The following EBF1 variants were observed in gnomAD, a reference collection of about 807,000 sequenced individuals.
EBF1 encodes the protein transcription factor COE1.
Under a neutral mutation model 68.4 loss-of-function variants are expected in EBF1, and 10 were observed. The observed-to-expected ratio is 0.15, with a 90% CI of 0.09 to 0.25. The LOEUF is 0.25. EBF1 is among the 10% of genes least tolerant of loss of function. EBF1 has a pLI of 1.00. For synonymous variants in EBF1, 298 were observed against 299.8 expected, an observed-to-expected ratio of 0.99 and a Z score of 0.06; for missense variants, 509 against 794.4, an observed-to-expected ratio of 0.64 and a Z score of 4.32.
At chr5:158,846,831 T>C (rs1332238499) in intron 6 of EBF1, among the ~76,000 whole-genome samples, 1 of 152,204 alleles carries the variant, frequency 6.6e-6, no homozygotes, top group Admixed American at 6.5e-5. Context: ...CCTTTTCTGA[T>C]ATTAACATGC....
chr5:159,044,964 G>A (rs1453938659), intron 6 of EBF1, among the ~76,000 whole-genome samples: 1 of 151,896 alleles, frequency 6.6e-6, no homozygotes, highest in Non-Finnish European at 1.5e-5. Flanking sequence ...CAAAAGAAGG[G>A]GAAAATATTA....
intron 6 of EBF1, among the ~76,000 whole-genome samples, chr5:159,028,479 G>A (rs543975069): frequency 6.6e-6 from 1 of 152,256 alleles, no homozygotes; most frequent in South Asian, 2.1e-4. Flanking sequence ...AGAAAGTATT[G>A]GGCTGGAATG....
chr5:158,926,485 G>A (rs1809715205), intron 6 of EBF1, among the ~76,000 whole-genome samples: 1 of 151,984 alleles, frequency 6.6e-6, no homozygotes, highest in Admixed American at 6.6e-5. Context: ...CAGCACTTTG[G>A]GAGGCCAAAG....
At chr5:158,778,085 T>C (rs1561899631) in intron 9 of EBF1, among the ~76,000 whole-genome samples, 1 of 151,972 alleles carries the variant, frequency 6.6e-6, no homozygotes, top group Non-Finnish European at 1.5e-5. Context: ...CTCCCTGGAA[T>C]AGCTTATGGA....
At chr5:158,875,041 G>GCA (rs1229419684) in intron 6 of EBF1, among the ~76,000 whole-genome samples, 125 of 102,414 alleles carry the variant, frequency 1.2e-3, no homozygotes, top group African/African-American at 2.2e-3. Context: ...ACACACACAA[G>GCA]CACACACACA....
intron 6 of EBF1, among the ~76,000 whole-genome samples, chr5:159,071,215 A>C (rs1777737606): frequency 6.6e-6 from 1 of 152,236 alleles, no homozygotes; most frequent in Admixed American, 6.5e-5. Flanking sequence ...ATGAAAAGAT[A>C]GTTCATCAGA....
chr5:158,705,204 G>C (rs1017479695), intron 15 of EBF1, among the ~76,000 whole-genome samples: 4 of 152,034 alleles, frequency 2.6e-5, no homozygotes, highest in African/African-American at 9.7e-5. Context: ...TGGTCTCAAA[G>C]ACCTGACCTC....
chr5:159,094,165 C>CAAAAAAAAAAA (rs869228922), intron 4 of EBF1, among the ~76,000 whole-genome samples: 10 of 21,880 alleles, frequency 4.6e-4, no homozygotes, highest in African/African-American at 8.3e-4. Context: ...CCTTGGAAGG[C>CAAAAAAAAAAA]AAAAAAAAAA....
At chr5:158,900,322 A>G (rs767998286) in intron 6 of EBF1, among the ~76,000 whole-genome samples, 2 of 152,152 alleles carry the variant, frequency 1.3e-5, no homozygotes, top group African/African-American at 2.4e-5. Context: ...AAAACAAATT[A>G]TACTGTGTCT....
intron 8 of EBF1, among the ~76,000 whole-genome samples, chr5:158,800,587 A>G (rs1166814806): frequency 6.6e-6 from 1 of 152,232 alleles, no homozygotes; most frequent in Non-Finnish European, 1.5e-5. Context: ...ATTTTAAAAA[A>G]GGAAAATAAA....
chr5:158,921,663 T>C (rs1179395822), intron 6 of EBF1, among the ~76,000 whole-genome samples: 1 of 152,234 alleles, frequency 6.6e-6, no homozygotes, highest in Admixed American at 6.5e-5. Flanking sequence ...ACTGAATTCA[T>C]CATTACCAGC....
intron 6 of EBF1, among the ~76,000 whole-genome samples, chr5:158,946,487 C>A (rs144454345): frequency 0.021 from 3,130 of 152,218 alleles, 49 homozygotes; most frequent in Non-Finnish European, 0.032. Flanking sequence ...CACTCCAGAC[C>A]CTGTTTGCCT....
intron 11 of EBF1, among the ~76,000 whole-genome samples, chr5:158,725,380 T>C (rs944291045): frequency 2.6e-5 from 4 of 152,208 alleles, no homozygotes; most frequent in African/African-American, 4.8e-5. Context: ...TCAATCCCCA[T>C]GTCACTGACT....
intron 6 of EBF1, among the ~76,000 whole-genome samples, chr5:158,907,116 G>A (rs1804816539): frequency 1.3e-5 from 2 of 152,206 alleles, no homozygotes; most frequent in Admixed American, 6.5e-5. Context: ...CAGACTAAAA[G>A]TAATTATGGC....
chr5:159,070,692 G>A (rs1219375243), intron 6 of EBF1, among the ~76,000 whole-genome samples: 2 of 152,210 alleles, frequency 1.3e-5, no homozygotes, highest in African/African-American at 4.8e-5. Flanking sequence ...GTGCTCAAAA[G>A]TTGACTGCGT....
intron 6 of EBF1, among the ~76,000 whole-genome samples, chr5:158,852,596 T>C (rs1182812654): frequency 6.6e-6 from 1 of 152,228 alleles, no homozygotes; most frequent in Non-Finnish European, 1.5e-5. Flanking sequence ...AATAATCTCC[T>C]GTGCTCCAAA....
chr5:158,877,358 G>A (rs566230411), intron 6 of EBF1, among the ~76,000 whole-genome samples: 2 of 152,284 alleles, frequency 1.3e-5, no homozygotes, highest in African/African-American at 4.8e-5. Context: ...GCGAGCAGAG[G>A]CACAGTATGG....
rs1411375080 is a variant in EBF1, at chr5:158,969,889, AAAG to A, written c.554+103504_554+103506del. On this transcript the variant is annotated intron_variant, in intron 6 of 15. Coordinates refer to ENST00000313708, the MANE Select transcript of EBF1 (RefSeq NM_024007.5). Reference sequence around the variant, plus strand: ...GAAAGAAAGAAAGAAAGAAAGAAAGAAAGAAAGAAAGAAAGAAAGAAAGAAAGA... The same window carrying A: ...GAAAGAAAGAAAGAAAGAAAGAAAGAAAAGAAAGAAAGAAAGAAAGAAAGA... Among the ~76,000 whole-genome samples, 75 of 111,494 alleles carry A rather than the reference AAAG, an allele frequency of 6.7e-4. 1 individual carries two copies. The highest frequency in any genetic ancestry group is 1.8e-3 in the Admixed American group (19 of 10,798). The allele number at this position is 111,494 out of a possible 152,430, so 73.1% of individuals were successfully genotyped here.
intron 6 of EBF1, among the ~76,000 whole-genome samples, chr5:158,883,123 T>G (rs1799203167): frequency 6.6e-6 from 1 of 151,824 alleles, no homozygotes; most frequent in South Asian, 2.1e-4. Flanking sequence ...AAAAAAAAAG[T>G]GAAGGGAAGC....
Sources: gnomAD v4.1 joint callset for allele counts (sites outside exome capture counted in the v4.1 genomes callset) on GRCh38, gnomAD v4.1.1 for gene constraint, MANE v1.5 for transcripts, NCBI Gene and HGNC (gene_info 2026-07-23, HGNC 2026-07-21) for gene names.